Variants in SDK1 observed in about 807,000 individuals in gnomAD.
The protein encoded by SDK1 is protein sidekick-1.
A neutral mutation model predicts 245.5 loss-of-function variants in SDK1; 157 were observed. The ratio of observed to expected loss-of-function variants is 0.64; its 90% CI spans 0.56 to 0.73. The LOEUF is 0.73. Among genes scored for constraint, SDK1 ranks in the 30% least tolerant of loss-of-function variants. The pLI is 0.00. For synonymous variants in SDK1, 1,647 were observed against 1,278.5 expected, an observed-to-expected ratio of 1.29 and a Z score of -6.15; for missense variants, 3,583 against 3,002.3, an observed-to-expected ratio of 1.19 and a Z score of -4.52.
chr7:3,798,860 TGG>T (rs1256470144), intron 4 of SDK1, among the ~76,000 whole-genome samples: 1 of 152,194 alleles, frequency 6.6e-6, no homozygotes, highest in Non-Finnish European at 1.5e-5. Context: ...CGTAGATACT[TGG>T]AGGTTATGCA....
chr7:4,143,728 C>T (rs943257986), intron 28 of SDK1, among the ~76,000 whole-genome samples: 4 of 152,284 alleles, frequency 2.6e-5, no homozygotes, highest in African/African-American at 2.4e-5. Context: ...GCTCACAGAT[C>T]GGCATGGGTG....
At chr7:3,932,184 T>A (rs923215366) in intron 5 of SDK1, among the ~76,000 whole-genome samples, 1 of 152,250 alleles carries the variant, frequency 6.6e-6, no homozygotes, top group East Asian at 1.9e-4. Context: ...AGACTACTTA[T>A]GTTTCTAGCA....
At chr7:3,313,748 C>T (rs966769485) in intron 1 of SDK1, among the ~76,000 whole-genome samples, 3 of 152,124 alleles carry the variant, frequency 2.0e-5, no homozygotes, top group Non-Finnish European at 4.4e-5. Flanking sequence ...TGTTGTACAA[C>T]ATGGTGACTA....
Position 3,691,977 on chromosome 7 carries a change from C to G in SDK1, c.713+49872C>G, listed in dbSNP as rs559107684. Reference sequence around the variant, plus strand: ...CCTCCCGCTGGGTCTTTCAGTCTGTCCCCCTTTATTTTTGCTTACTCATTC... The same window carrying G: ...CCTCCCGCTGGGTCTTTCAGTCTGTGCCCCTTTATTTTTGCTTACTCATTC... On this transcript the variant is annotated intron_variant, in intron 4 of 44. Transcript: ENST00000404826. Among the ~76,000 whole-genome samples, 101 of 152,174 alleles carry G rather than the reference C, an allele frequency of 6.6e-4. 2 individuals are homozygous for G. In the South Asian group the frequency reaches 0.021, roughly 31 times the overall value.
intron 1 of SDK1, among the ~76,000 whole-genome samples, chr7:3,541,622 T>C (rs1351344897): frequency 1.3e-5 from 2 of 152,202 alleles, no homozygotes; most frequent in Admixed American, 6.5e-5. Context: ...TCAAATAATA[T>C]ATTTGGTATT....
intron 1 of SDK1, among the ~76,000 whole-genome samples, chr7:3,356,749 T>A (rs1780806310): frequency 6.6e-6 from 1 of 152,094 alleles, no homozygotes; most frequent in African/African-American, 2.4e-5. Context: ...CCCTGCGTTC[T>A]TTTGTACAAA....
chr7:4,055,761 C>T (rs893640931), intron 19 of SDK1, among the ~76,000 whole-genome samples: 2 of 151,998 alleles, frequency 1.3e-5, no homozygotes, highest in East Asian at 1.9e-4. Context: ...CCAGTGTGAG[C>T]GTTTAGTGCT....
intron 4 of SDK1, among the ~76,000 whole-genome samples, chr7:3,719,851 C>A (rs1785313754): frequency 6.6e-6 from 1 of 151,808 alleles, no homozygotes; most frequent in Non-Finnish European, 1.5e-5. Context: ...GTGGTGCGTG[C>A]CTGAAGTCCA....
At chr7:3,450,397 G>A (rs1018797413) in intron 1 of SDK1, among the ~76,000 whole-genome samples, 2 of 152,158 alleles carry the variant, frequency 1.3e-5, no homozygotes, top group Non-Finnish European at 2.9e-5. Context: ...GAGTAGAATG[G>A]TAGCATAATA....
intron 30 of SDK1, among the ~76,000 whole-genome samples, chr7:4,153,175 G>A (rs1225340333): frequency 6.6e-6 from 1 of 152,014 alleles, no homozygotes; most frequent in East Asian, 1.9e-4. Flanking sequence ...GAATGAGCAT[G>A]GAAAACAGCA....
At chr7:3,535,921 C>T (rs1338315954) in intron 1 of SDK1, among the ~76,000 whole-genome samples, 1 of 152,032 alleles carries the variant, frequency 6.6e-6, no homozygotes, top group African/African-American at 2.4e-5. Flanking sequence ...TTTATGTAAA[C>T]ATATTCCTGA....
At position 4,145,804 on chromosome 7, in the gene SDK1, C is replaced by G; in HGVS notation, c.4311C>G (p.Phe1437Leu). ...AGGTCGGCGCCACAGTGAGGCAGTT[C>G]ACAGCCACCGACCTGGCCCCGGAGT... ...TVEVGATVRQ[F>L]TATDLAPESA... The change falls in exon 29 of 45, where the codon TTC (phenylalanine) becomes TTG (leucine). Residue 1437 changes from phenylalanine (F) to leucine (L), a missense_variant. By Grantham distance (22) the Phe-to-Leu change is conservative (BLOSUM62 0). Transcript: ENST00000404826. 4 of 1,613,900 alleles carry G rather than the reference C, an allele frequency of 2.5e-6. No homozygotes were observed. Among genetic ancestry groups the G allele is most frequent in the Non-Finnish European group, 2.5e-6 (3 of 1,179,950 alleles).
chr7:3,937,138 A>C (rs1304190450), intron 5 of SDK1, among the ~76,000 whole-genome samples: 5 of 152,020 alleles, frequency 3.3e-5, no homozygotes, highest in Non-Finnish European at 2.9e-5. Flanking sequence ...TGGAGATGAA[A>C]CTTCTCAGCT....
intron 17 of SDK1, among the ~76,000 whole-genome samples, chr7:4,028,266 A>G (rs922170353): frequency 6.6e-6 from 1 of 152,206 alleles, no homozygotes; most frequent in African/African-American, 2.4e-5. Flanking sequence ...AGGCATTGAT[A>G]GGTAGAAGAA....
rs1026348797 is a variant in SDK1, at chr7:4,237,787, G to A, written c.6130+3G>A. ...GAAGTATAAGAACTGCAGCACAGGT[G>A]CAGGTCCAGCCCCTTCCTCGCGTGT... On this transcript the variant is annotated splice_donor_region_variant and intron_variant, in intron 42 of 44. Transcript: ENST00000404826. 1.9e-6 allele frequency: 3 copies of A among 1,614,046 alleles called. No individual in the cohort carries two copies. Among genetic ancestry groups the A allele is most frequent in the Admixed American group, 3.3e-5 (2 of 59,978 alleles).
At chr7:3,844,353 C>T (rs1204676837) in intron 5 of SDK1, among the ~76,000 whole-genome samples, 2 of 152,102 alleles carry the variant, frequency 1.3e-5, no homozygotes, top group Non-Finnish European at 2.9e-5. Context: ...GTTTAGGTAA[C>T]GGCCTAGGGA....
intron 1 of SDK1, among the ~76,000 whole-genome samples, chr7:3,493,393 G>A (rs151070465): frequency 9.6e-4 from 146 of 152,266 alleles, no homozygotes; most frequent in African/African-American, 3.4e-3. Flanking sequence ...TTGATTTACT[G>A]TATTCATCAG....
intron 5 of SDK1, among the ~76,000 whole-genome samples, chr7:3,872,357 T>G (rs1780977765): frequency 6.6e-6 from 1 of 152,116 alleles, no homozygotes; most frequent in Admixed American, 6.5e-5. Flanking sequence ...TAAGATATCG[T>G]ATAGAGTTGT....
intron 4 of SDK1, among the ~76,000 whole-genome samples, chr7:3,765,842 G>A (rs1054951156): frequency 3.9e-5 from 6 of 152,234 alleles, no homozygotes; most frequent in South Asian, 4.1e-4. Flanking sequence ...ATTAAAGGAG[G>A]CATTATTAAA....
Sources: gnomAD v4.1 joint callset for allele counts (sites outside exome capture counted in the v4.1 genomes callset) on GRCh38, gnomAD v4.1.1 for gene constraint, MANE v1.5 for transcripts, NCBI Gene and HGNC (gene_info 2026-07-23, HGNC 2026-07-21) for gene names.